The following TRIM5 variants were observed in gnomAD, a reference collection of about 807,000 sequenced individuals.
The protein encoded by TRIM5 is tripartite motif-containing protein 5.
In TRIM5, 31 loss-of-function variants were observed where a neutral mutation model predicts 35.6. The observed-to-expected ratio is 0.87, with a 90% CI of 0.65 to 1.18. The LOEUF (loss-of-function observed/expected upper bound fraction) is 1.18. Ranked by LOEUF, TRIM5 falls within the 50% of genes most tolerant of loss-of-function variation. The pLI, the probability that TRIM5 is intolerant of heterozygous loss-of-function variation, is 0.00. For synonymous variants in TRIM5, 243 were observed against 215.6 expected (o/e 1.13, Z -1.11); for missense variants, 609 against 591.6 (o/e 1.03, Z -0.31).
intron 6 of TRIM5, 145 bp from the exon 7 acceptor site, chr11:5,665,827 C>A (rs1488748161): frequency 3.0e-6 from 4 of 1,326,280 alleles, no homozygotes; most frequent in Non-Finnish European, 4.1e-6. Flanking sequence ...AGCCACCTAG[C>A]CATTTCCCAT....
At chr11:5,592,522 A>G in the TRIM5 span, among the ~76,000 whole-genome samples, 1 of 152,216 alleles carries the variant, frequency 6.6e-6, no homozygotes, top group African/African-American at 2.4e-5. Flanking sequence ...ACCATCTTAA[A>G]TACCGTGCTA....
the TRIM5 span, among the ~76,000 whole-genome samples, chr11:5,592,854 CT>C: frequency 2.1e-5 from 3 of 141,042 alleles, no homozygotes; most frequent in Admixed American, 2.3e-4. Context: ...GAGTTTGTGG[CT>C]GAAGTGAGCT....
the TRIM5 span, among the ~76,000 whole-genome samples, chr11:5,606,130 T>C: frequency 6.6e-6 from 1 of 152,230 alleles, no homozygotes; most frequent in Admixed American, 6.5e-5. Context: ...TTACCCAGCT[T>C]AGTCACAGGC....
chr11:5,633,653 AT>A, the TRIM5 span: 1 of 666,028 alleles, frequency 1.5e-6, no homozygotes, highest in Non-Finnish European at 2.4e-6. Context: ...TCTCCTCAAA[AT>A]TTTCCCCATG....
At chr11:5,649,169 G>A in the TRIM5 span, among the ~76,000 whole-genome samples, 13 of 152,302 alleles carry the variant, frequency 8.5e-5, no homozygotes, top group African/African-American at 2.6e-4. Flanking sequence ...ATGAGGACCA[G>A]CAATTCAGGA....
downstream of TRIM5, among the ~76,000 whole-genome samples, chr11:5,662,664 T>C (rs991689408): frequency 2.6e-5 from 4 of 152,224 alleles, no homozygotes; most frequent in Admixed American, 6.5e-5. Flanking sequence ...AGATTTTTTT[T>C]CCCATTTATA....
chr11:5,620,433 A>G, the TRIM5 span, among the ~76,000 whole-genome samples: 4 of 147,946 alleles, frequency 2.7e-5, no homozygotes, highest in African/African-American at 1.0e-4. Context: ...TAACTCCTGA[A>G]CTCGTGATCC....
the TRIM5 span, chr11:5,605,521 C>T: frequency 5.0e-6 from 8 of 1,613,902 alleles, no homozygotes; most frequent in African/African-American, 2.7e-5. Context: ...GAGCTCATCT[C>T]GGATCTGGAG....
In TRIM5 at chr11:5,680,133, G is replaced by C. The variant is rs770044537; in HGVS notation, c.45C>G (p.Cys15Trp). Residue 15 changes from cysteine (C) to tryptophan (W), a missense_variant, in exon 2 of 8, where the codon TGC (cysteine) becomes TGG (tryptophan). Coordinates refer to ENST00000380034, the MANE Select transcript of TRIM5 (RefSeq NM_033034.3). Reference sequence around the variant, plus strand: ...GTGTCAGGAGTTCCAGGCAGATGGGGCAGGTCACCTCCTCCTTTACATTAA... The same window carrying C: ...GTGTCAGGAGTTCCAGGCAGATGGGCCAGGTCACCTCCTCCTTTACATTAA... ...ILVNVKEEVT[C>W]PICLELLTQP... is the part of the protein sequence containing the mutation. 8 of 1,613,636 alleles carry C rather than the reference G, an allele frequency of 5.0e-6. No homozygotes were observed. The South Asian group carries it at 7.7e-5, about 16-fold the overall frequency.
At chr11:5,673,508 T>C (rs1851721787) in intron 4 of TRIM5, among the ~76,000 whole-genome samples, 2 of 152,272 alleles carry the variant, frequency 1.3e-5, no homozygotes, top group Admixed American at 6.5e-5. Flanking sequence ...TTACTCTCAG[T>C]AATTAATAGA....
chr11:5,683,835 G>C (rs879154672), intron 1 of TRIM5, among the ~76,000 whole-genome samples: 1 of 152,188 alleles, frequency 6.6e-6, no homozygotes, highest in Non-Finnish European at 1.5e-5. Flanking sequence ...GGCCAGATAA[G>C]AGAATAAAAG....
the TRIM5 span, chr11:5,605,686 G>C: frequency 1.6e-6 from 2 of 1,215,344 alleles, no homozygotes; most frequent in African/African-American, 3.1e-5. Context: ...TTCCTTTGGC[G>C]CTATAGTGCC....
At chr11:5,653,477 A>AT in the TRIM5 span, among the ~76,000 whole-genome samples, 10 of 148,458 alleles carry the variant, frequency 6.7e-5, no homozygotes, top group South Asian at 8.7e-4. Flanking sequence ...GTTTTTTCCG[A>AT]TTTTTTTTTG....
intron 5 of TRIM5, among the ~76,000 whole-genome samples, chr11:5,667,258 G>A (rs909852612): frequency 3.9e-5 from 6 of 152,064 alleles, no homozygotes; most frequent in African/African-American, 1.4e-4. Flanking sequence ...CCAGACTGGA[G>A]TGCAGTGGCA....
chr11:5,679,410 G>GA (rs1852249603), intron 2 of TRIM5, among the ~76,000 whole-genome samples: 1 of 151,990 alleles, frequency 6.6e-6, no homozygotes, highest in Non-Finnish European at 1.5e-5. Context: ...TGTCCTAGAA[G>GA]AAAAAACTAA....
At chr11:5,665,951 T>A in intron 6 of TRIM5, 30 bp downstream of exon 6, 1 of 1,586,834 alleles carries the variant, frequency 6.3e-7, no homozygotes, top group Non-Finnish European at 8.6e-7. Flanking sequence ...TTGAATTCCA[T>A]AACCCTGTTG....
the TRIM5 span, chr11:5,610,265 A>G: frequency 6.2e-7 from 1 of 1,613,952 alleles, no homozygotes; most frequent in South Asian, 1.1e-5. Context: ...TTCAGGGGAA[A>G]GAGTTTGGAT....
At chr11:5,649,847 A>C in the TRIM5 span, among the ~76,000 whole-genome samples, 1 of 152,288 alleles carries the variant, frequency 6.6e-6, no homozygotes, top group African/African-American at 2.4e-5. Flanking sequence ...ACACTGATTT[A>C]GAGGATATAT....
At chr11:5,590,634 G>C in the TRIM5 span, 1 of 152,126 alleles carries the variant, frequency 6.6e-6, no homozygotes, top group Non-Finnish European at 1.5e-5. Flanking sequence ...ACAGACCACT[G>C]GGCTCTACCA....
Sources: allele counts gnomAD v4.1 joint callset (sites outside exome capture counted in the v4.1 genomes callset), GRCh38; gene constraint gnomAD v4.1.1; transcripts MANE v1.5; gene names NCBI Gene and HGNC (gene_info 2026-07-23, HGNC 2026-07-21).